The following SEC23A variants were observed in gnomAD, a reference collection of about 807,000 sequenced individuals.
The protein encoded by SEC23A is protein transport protein Sec23A.
In SEC23A, 56 loss-of-function variants were observed where a neutral mutation model predicts 103.7. The ratio of observed to expected loss-of-function variants is 0.54; its 90% CI spans 0.44 to 0.67. The LOEUF is 0.67. SEC23A is among the 30% of genes least tolerant of loss of function. SEC23A has a pLI of 0.00. For synonymous variants in SEC23A, 281 were observed against 293.0 expected, an observed-to-expected ratio of 0.96 and a Z score of 0.42; for missense variants, 784 against 936.4, an observed-to-expected ratio of 0.84 and a Z score of 2.12.
chr14:39,046,380 C>G (rs1229173602), intron 15 of SEC23A, among the ~76,000 whole-genome samples: 1 of 152,044 alleles, frequency 6.6e-6, no homozygotes, highest in African/African-American at 2.4e-5. Context: ...GGCAGAGACA[C>G]AAGAATTGCT....
intron 18 of SEC23A, chr14:39,040,531 A>C (rs1885603660): frequency 3.2e-6 from 2 of 625,464 alleles, no homozygotes; most frequent in Non-Finnish European, 5.6e-6. Context: ...GGAAAGTGCC[A>C]GGTTTAGGCA....
Position 39,032,196 on chromosome 14 carries a change from A to C in SEC23A, c.*1043T>G, listed in dbSNP as rs1262498050. On this transcript the variant is annotated 3_prime_UTR_variant, in exon 20 of 20. Coordinates refer to ENST00000307712, the MANE Select transcript of SEC23A (RefSeq NM_006364.4). ...CTTTATCAATGTAAACATATTTGCTACAAGTAAACTTTAAAGGTAAAAGTG... is the reference window on the plus strand; with the variant it reads ...CTTTATCAATGTAAACATATTTGCTCCAAGTAAACTTTAAAGGTAAAAGTG... 1 of 152,662 alleles carries C rather than the reference A, an allele frequency of 6.6e-6. No individual in the cohort carries two copies. The highest frequency in any genetic ancestry group is 1.5e-5 in the Non-Finnish European group (1 of 68,016). 9.5% of individuals were successfully genotyped at this position (152,662 alleles called of 1,614,324 possible). A position where few individuals can be genotyped will look rare whatever the true frequency, so the allele number is the denominator to read the frequency against.
intron 19 of SEC23A, among the ~76,000 whole-genome samples, chr14:39,036,517 C>T (rs1231663000): frequency 6.6e-6 from 1 of 151,900 alleles, no homozygotes; most frequent in East Asian, 1.9e-4. Flanking sequence ...CCTAAATAAT[C>T]TCATATTATT....
intron 5 of SEC23A, chr14:39,087,412 C>T: frequency 5.2e-6 from 1 of 192,804 alleles, no homozygotes; most frequent in South Asian, 9.6e-5. Flanking sequence ...AGTCCCTTCC[C>T]TCATGGAAAT....
chr14:39,072,624 C>A (rs2139246521), intron 9 of SEC23A, among the ~76,000 whole-genome samples: 1 of 151,862 alleles, frequency 6.6e-6, no homozygotes, highest in East Asian at 1.9e-4. Flanking sequence ...GCCTGGGCAA[C>A]AAAGTGAGAC....
intron 9 of SEC23A, among the ~76,000 whole-genome samples, chr14:39,070,564 CA>C (rs1198806086): frequency 6.6e-6 from 1 of 152,082 alleles, no homozygotes; most frequent in African/African-American, 2.4e-5. Flanking sequence ...GTTTAAAATC[CA>C]AAAATCAGTG....
chr14:39,051,452 T>G (rs1029307748), intron 14 of SEC23A, among the ~76,000 whole-genome samples: 1 of 152,230 alleles, frequency 6.6e-6, no homozygotes, highest in Non-Finnish European at 1.5e-5. Flanking sequence ...GAGGTTTATG[T>G]AATTTTGTAC....
At chr14:39,088,628 G>A (rs924221487) in intron 5 of SEC23A, 3 of 152,316 alleles carry the variant, frequency 2.0e-5, no homozygotes, top group Admixed American at 6.5e-5. Flanking sequence ...AGCTACTTGG[G>A]AGGCTGAGGC....
At position 39,048,729 on chromosome 14, in the gene SEC23A, A is replaced by ACAGTCGAATGAGCTGTCTGTCCAGCCAC; in HGVS notation, c.1660-1_1660insGTGGCTGGACAGACAGCTCATTCGACTG (p.Cys554ValfsTer18). 1 of 1,457,572 alleles carries ACAGTCGAATGAGCTGTCTGTCCAGCCAC rather than the reference A, an allele frequency of 6.9e-7. No individual in the cohort carries two copies. Among genetic ancestry groups the ACAGTCGAATGAGCTGTCTGTCCAGCCAC allele is most frequent in the Admixed American group, 1.7e-5 (1 of 59,778 alleles). The allele number at this position is 1,457,572 out of a possible 1,614,324, so 90.3% of individuals were successfully genotyped here. On this transcript the variant is annotated frameshift_variant and splice_region_variant. Transcript: ENST00000307712. LOFTEE classifies it high-confidence loss of function. ...TTATGATATTCTCCAAATTTCTGAC[A>ACAGTCGAATGAGCTGTCTGTCCAGCCAC]CTAAATAAAATAAAATGTGTTAGTA...
chr14:39,094,363 C>T (rs12883459), intron 2 of SEC23A, among the ~76,000 whole-genome samples: 1 of 43,072 alleles, frequency 2.3e-5, no homozygotes, highest in Non-Finnish European at 4.2e-5. Flanking sequence ...TACACATATA[C>T]ATATATATAT....
intron 14 of SEC23A, among the ~76,000 whole-genome samples, chr14:39,051,922 G>A (rs1045273639): frequency 6.6e-6 from 1 of 151,666 alleles, no homozygotes; most frequent in Non-Finnish European, 1.5e-5. Context: ...AGCCGAGATC[G>A]TGCCACTGCA....
At chr14:39,083,280 C>T (rs2144530) in intron 7 of SEC23A, among the ~76,000 whole-genome samples, 125,798 of 152,070 alleles carry the variant, frequency 0.83, 52,307 homozygotes, top group African/African-American at 0.86. Context: ...GTAAGATAAA[C>T]GCATATCTGA....
Position 39,060,924 on chromosome 14 carries a change from A to T in SEC23A, c.1505+841T>A, listed in dbSNP as rs149506430. Reference sequence around the variant, plus strand: ...TATGTTACACAAAATACTACCCTATAATTGAATCTGTTAGATAGAGACTTT... The same window carrying T: ...TATGTTACACAAAATACTACCCTATTATTGAATCTGTTAGATAGAGACTTT... On this transcript the variant is annotated intron_variant, in intron 13 of 19. Coordinates refer to ENST00000307712, the MANE Select transcript of SEC23A (RefSeq NM_006364.4). 6.9e-3 allele frequency among the ~76,000 whole-genome samples: 1,055 copies of T among 152,274 alleles called. 14 individuals carry two copies. The highest frequency in any genetic ancestry group is 0.025 in the African/African-American group (1,020 of 41,544).
intron 14 of SEC23A, 48 bp from the exon 15 acceptor site, chr14:39,048,777 T>G (rs1439448917): frequency 2.6e-5 from 26 of 985,934 alleles, no homozygotes; most frequent in Non-Finnish European, 3.7e-5. Context: ...GAATAAAAGC[T>G]AACACTGTTG....
chr14:39,092,378 AGGAATTACC>A (rs1887692726), intron 4 of SEC23A, among the ~76,000 whole-genome samples, 154 bp downstream of exon 4: 1 of 152,228 alleles, frequency 6.6e-6, no homozygotes, highest in African/African-American at 2.4e-5. Context: ...AGTACAACAT[AGGAATTACC>A]CTGCTCAAAC....
intron 12 of SEC23A, among the ~76,000 whole-genome samples, chr14:39,062,396 T>A (rs1428805074): frequency 1.3e-5 from 2 of 152,144 alleles, no homozygotes; most frequent in Non-Finnish European, 2.9e-5. Flanking sequence ...AAGTTCCAGA[T>A]TTTGAAACAT....
At chr14:39,039,208 AATTTT>A in intron 18 of SEC23A, 112 bp from the exon 19 acceptor site, 1 of 848,268 alleles carries the variant, frequency 1.2e-6, no homozygotes, top group Non-Finnish European at 1.9e-6. Context: ...TGGTAAAATT[AATTTT>A]ATTAACTTAA....
chr14:39,033,812 T>C (rs1885381050), intron 19 of SEC23A, among the ~76,000 whole-genome samples: 1 of 152,192 alleles, frequency 6.6e-6, no homozygotes, highest in Admixed American at 6.5e-5. Flanking sequence ...TTAGGGAAAA[T>C]TCCTATTATC....
In SEC23A at chr14:39,093,055, G is replaced by A. The variant is rs192817190; in HGVS notation, c.279+132C>T. ...ATTTTTTTTTTGTATTTTTAGTAGAGACGGGGTTTCACTGTGTTAGCCAGG... is the reference window on the plus strand; with the variant it reads ...ATTTTTTTTTTGTATTTTTAGTAGAAACGGGGTTTCACTGTGTTAGCCAGG... On this transcript the variant is annotated intron_variant, in intron 3 of 19. Coordinates refer to ENST00000307712, the MANE Select transcript of SEC23A (RefSeq NM_006364.4). 7 of 638,596 alleles carry A rather than the reference G, an allele frequency of 1.1e-5. No homozygotes were observed. In the Admixed American group the frequency reaches 2.0e-4, roughly 19 times the overall value. The allele number at this position is 638,596 out of a possible 1,614,324, so 39.6% of individuals were successfully genotyped here.
Sources: gnomAD v4.1 joint callset for allele counts (sites outside exome capture counted in the v4.1 genomes callset) on GRCh38, gnomAD v4.1.1 for gene constraint, MANE v1.5 for transcripts, NCBI Gene and HGNC (gene_info 2026-07-23, HGNC 2026-07-21) for gene names.